The following CD302 variants were observed in gnomAD, a reference collection of about 807,000 sequenced individuals.
CD302 encodes the protein CD302 molecule, also known as CD302 antigen.
A neutral mutation model predicts 26.5 loss-of-function variants in CD302; 23 were observed. The ratio of observed to expected loss-of-function variants is 0.87; its 90% CI spans 0.62 to 1.23. CD302 has a LOEUF of 1.23. CD302 is among the 50% of genes most tolerant of loss of function. The pLI is 0.00. For synonymous variants in CD302, 90 were observed against 99.4 expected, an observed-to-expected ratio of 0.91 and a Z score of 0.56; for missense variants, 290 against 275.5, an observed-to-expected ratio of 1.05 and a Z score of -0.37.
At chr2:159,785,224 C>T (rs182867188) in intron 1 of CD302, among the ~76,000 whole-genome samples, 23 of 152,236 alleles carry the variant, frequency 1.5e-4, no homozygotes, top group African/African-American at 5.3e-4. Context: ...ATTCTCCCAC[C>T]TTGGGCTTCC....
chr2:159,782,759 A>G (rs1396829931), intron 2 of CD302, among the ~76,000 whole-genome samples: 1 of 151,974 alleles, frequency 6.6e-6, no homozygotes, highest in Non-Finnish European at 1.5e-5. Context: ...AATATTTTAC[A>G]ATGTGATGTT....
At chr2:159,787,164 G>A (rs950719407) in intron 1 of CD302, among the ~76,000 whole-genome samples, 1 of 152,154 alleles carries the variant, frequency 6.6e-6, no homozygotes, top group Non-Finnish European at 1.5e-5. Flanking sequence ...GAAGTAGATT[G>A]CTGGGGCCAT....
intron 1 of CD302, among the ~76,000 whole-genome samples, chr2:159,791,238 C>T (rs1012936347): frequency 6.6e-6 from 1 of 152,168 alleles, no homozygotes; most frequent in Non-Finnish European, 1.5e-5. Flanking sequence ...ATTTATTGTA[C>T]AGATACATGG....
chr2:159,783,046 A>G (rs1708564546), intron 2 of CD302, among the ~76,000 whole-genome samples: 1 of 152,240 alleles, frequency 6.6e-6, no homozygotes, highest in African/African-American at 2.4e-5. Flanking sequence ...ATAATAATAC[A>G]CTACTTGATA....
At chr2:159,797,228 G>GT (rs796637529) in intron 1 of CD302, among the ~76,000 whole-genome samples, 2 of 130,994 alleles carry the variant, frequency 1.5e-5, no homozygotes, top group Non-Finnish European at 3.3e-5. Context: ...GGGGTGGGGG[G>GT]GGGGAATCTC....
Position 159,783,365 on chromosome 2 carries a change from C to A in CD302, c.172G>T (p.Asp58Tyr). 1 of 1,597,880 alleles carries A rather than the reference C, an allele frequency of 6.3e-7. No homozygotes were observed. Among genetic ancestry groups the A allele is most frequent in the South Asian group, 1.1e-5 (1 of 87,264 alleles). ...AAAAGAATAAGCCTTTTACCATGGT[C>A]AGTACACTGATTTCTGACATCCTCT... ...SIEDVRNQCT[D>Y]HGADMISIHN... The change falls in exon 2 of 6, where the codon GAC becomes TAC. Residue 58 changes from aspartate to tyrosine, a missense_variant. Coordinates refer to ENST00000259053, the MANE Select transcript of CD302 (RefSeq NM_014880.5).
Position 159,771,924 on chromosome 2 carries a change from G to C in CD302, c.626C>G (p.Pro209Arg). 6.2e-7 allele frequency: 1 copy of C among 1,613,854 alleles called. No homozygotes were observed. Among genetic ancestry groups the C allele is most frequent in the Non-Finnish European group, 8.5e-7 (1 of 1,179,898 alleles). The change falls in exon 6 of 6, where the codon CCC (proline) becomes CGC (arginine). Residue 209 changes from proline (P) to arginine (R), a missense_variant. Coordinates refer to ENST00000259053, the MANE Select transcript of CD302 (RefSeq NM_014880.5). ...SRFTTVFSTA[P>R]QSPYNEDCVL... ...ACAGTCTTCATTATAAGGTGATTGGGGTGCGGTTGAAAAAACTGTGGTGAA... is the reference window on the plus strand; with the variant it reads ...ACAGTCTTCATTATAAGGTGATTGGCGTGCGGTTGAAAAAACTGTGGTGAA...
chr2:159,798,061 A>C (rs1446146809), intron 1 of CD302, 71 bp downstream of exon 1: 2 of 1,406,538 alleles, frequency 1.4e-6, no homozygotes, highest in Non-Finnish European at 1.9e-6. Context: ...CGCGGGGACG[A>C]AGAGCGTGCG....
At chr2:159,790,832 C>G (rs1708787303) in intron 1 of CD302, among the ~76,000 whole-genome samples, 1 of 152,072 alleles carries the variant, frequency 6.6e-6, no homozygotes, top group Admixed American at 6.5e-5. Context: ...CTACTTATAA[C>G]AAATAACTCG....
intron 1 of CD302, among the ~76,000 whole-genome samples, chr2:159,785,141 A>AT (rs964286508): frequency 3.3e-5 from 5 of 151,762 alleles, no homozygotes; most frequent in Non-Finnish European, 7.4e-5. Flanking sequence ...CACCCGGCTA[A>AT]TTTTTTAATT....
At chr2:159,777,554 A>G (rs1015858887) in intron 5 of CD302, among the ~76,000 whole-genome samples, 5 of 152,252 alleles carry the variant, frequency 3.3e-5, no homozygotes, top group African/African-American at 4.8e-5. Flanking sequence ...CCAAAAGAAG[A>G]TGTGGGAGAA....
Position 159,771,923 on chromosome 2 carries a change from G to C in CD302, c.627C>G (p.Pro209=). Residue 209 remains proline (P), a synonymous_variant, in exon 6 of 6, where the codon CCC becomes CCG. Coordinates refer to ENST00000259053, the MANE Select transcript of CD302 (RefSeq NM_014880.5). ...CACAGTCTTCATTATAAGGTGATTG[G>C]GGTGCGGTTGAAAAAACTGTGGTGA... The part of the protein sequence containing the change: ...SRFTTVFSTA[P]QSPYNEDCVL... The C allele has an allele frequency of 6.2e-7, 1 of 1,613,960 alleles. No homozygotes were observed. The highest frequency in any genetic ancestry group is 1.1e-5 in the South Asian group (1 of 91,062).
chr2:159,781,109 G>A, intron 2 of CD302, 111 bp from the exon 3 acceptor site: 1 of 866,508 alleles, frequency 1.2e-6, no homozygotes. Context: ...TATTAGAGCT[G>A]GACAATAAAC....
chr2:159,794,759 A>G (rs1292102487), intron 1 of CD302, among the ~76,000 whole-genome samples: 5 of 150,472 alleles, frequency 3.3e-5, no homozygotes, highest in Admixed American at 3.3e-4. Flanking sequence ...CGTGTTAGCC[A>G]GGATGGTCTC....
chr2:159,775,415 GTTCC>G (rs1708282437), intron 5 of CD302, among the ~76,000 whole-genome samples: 1 of 152,132 alleles, frequency 6.6e-6, no homozygotes, highest in Admixed American at 6.5e-5. Flanking sequence ...TTTTCTAAAT[GTTCC>G]AACTTATGTG....
intron 4 of CD302, 146 bp from the exon 5 acceptor site, chr2:159,778,110 T>C (rs1708394318): frequency 3.1e-6 from 1 of 323,480 alleles, no homozygotes; most frequent in African/African-American, 2.2e-5. Flanking sequence ...CATATTTCTT[T>C]GCCTCATTAG....
rs755032369 is a variant in CD302 at position 159,780,117 on chromosome 2, A to G, written c.357T>C (p.Asp119=). 5 of 1,614,156 alleles carry G rather than the reference A, an allele frequency of 3.1e-6. No homozygotes were observed. Among genetic ancestry groups the G allele is most frequent in the Non-Finnish European group, 4.2e-6 (5 of 1,180,020 alleles). ...AGGTGTCAACTAAATCCTCATCATCATCTTGGTCTGTCCACTTATCAAATG... is the reference window on the plus strand; with the variant it reads ...AGGTGTCAACTAAATCCTCATCATCGTCTTGGTCTGTCCACTTATCAAATG... ...NMTFDKWTDQ[D]DDEDLVDTCA... is the part of the protein sequence containing the mutation. Residue 119 remains aspartate (D), a synonymous_variant, in exon 4 of 6, where the codon GAT becomes GAC. Coordinates refer to ENST00000259053, the MANE Select transcript of CD302 (RefSeq NM_014880.5).
intron 4 of CD302, 143 bp downstream of exon 4, chr2:159,779,862 C>T: frequency 1.0e-6 from 1 of 974,386 alleles, no homozygotes; most frequent in Non-Finnish European, 1.4e-6. Context: ...CTCAGTTTAC[C>T]ATAATGCTGG....
At chr2:159,782,621 G>A (rs1169885329) in intron 2 of CD302, among the ~76,000 whole-genome samples, 1 of 150,962 alleles carries the variant, frequency 6.6e-6, no homozygotes, top group African/African-American at 2.4e-5. Context: ...TCTATTCAGG[G>A]GGCTGACATG....
Sources: allele counts gnomAD v4.1 joint callset (sites outside exome capture counted in the v4.1 genomes callset), GRCh38; gene constraint gnomAD v4.1.1; transcripts MANE v1.5; gene names NCBI Gene and HGNC (gene_info 2026-07-23, HGNC 2026-07-21).